Variants in HUNK observed in about 807,000 individuals in gnomAD.
HUNK encodes the protein hormonally up-regulated neu tumor-associated kinase.
A neutral mutation model predicts 61.0 loss-of-function variants in HUNK; 21 were observed. That is an observed-to-expected ratio of 0.34 (90% CI 0.24 to 0.50). HUNK has a LOEUF of 0.50. Among genes scored for constraint, HUNK ranks in the 20% least tolerant of loss-of-function variants. The probability of loss-of-function intolerance (pLI) is 0.98; values close to 1 mark genes in which losing one functional copy is unlikely to be tolerated. For missense variants in HUNK, 772 were observed against 945.7 expected (o/e 0.82, Z 2.41); for synonymous variants, 371 against 386.1 (o/e 0.96, Z 0.46).
chr21:31,984,476 G>A (rs2053119494), intron 8 of HUNK, among the ~76,000 whole-genome samples: 1 of 152,164 alleles, frequency 6.6e-6, no homozygotes, highest in Non-Finnish European at 1.5e-5. Flanking sequence ...AGTGAGATGA[G>A]GAACGCAAAA....
At chr21:31,898,349 T>C (rs1444330676) in intron 1 of HUNK, among the ~76,000 whole-genome samples, 1 of 152,160 alleles carries the variant, frequency 6.6e-6, no homozygotes, top group African/African-American at 2.4e-5. Flanking sequence ...CACTGCAACC[T>C]CCGCCTCCCA....
intron 10 of HUNK, among the ~76,000 whole-genome samples, chr21:31,996,518 T>C (rs368291586): frequency 3.5e-4 from 54 of 152,202 alleles, no homozygotes; most frequent in African/African-American, 1.2e-3. Context: ...CACAGATAAC[T>C]GACAAATATG....
intron 2 of HUNK, among the ~76,000 whole-genome samples, chr21:31,928,082 G>GT (rs778743229): frequency 2.6e-5 from 4 of 152,192 alleles, no homozygotes; most frequent in Admixed American, 6.5e-5. Flanking sequence ...AATGATAGTC[G>GT]TAAGTGTGCC....
chr21:31,877,726 C>T (rs149187484), intron 1 of HUNK, among the ~76,000 whole-genome samples: 12 of 152,192 alleles, frequency 7.9e-5, no homozygotes, highest in African/African-American at 2.2e-4. Context: ...GGCTTTGAGA[C>T]GAAGAGCAAA....
chr21:31,942,882 T>C (rs1444415292), intron 3 of HUNK, among the ~76,000 whole-genome samples: 1 of 151,066 alleles, frequency 6.6e-6, no homozygotes, highest in Non-Finnish European at 1.5e-5. Context: ...AGAGAGACCT[T>C]AGACCACACC....
intron 5 of HUNK, among the ~76,000 whole-genome samples, chr21:31,965,469 A>T: frequency 6.6e-6 from 1 of 152,086 alleles, no homozygotes; most frequent in East Asian, 1.9e-4. Context: ...GTTAAAAAAA[A>T]ATTTTTTTTA....
intron 2 of HUNK, among the ~76,000 whole-genome samples, chr21:31,936,992 C>T (rs2052736992): frequency 6.6e-6 from 1 of 152,202 alleles, no homozygotes; most frequent in African/African-American, 2.4e-5. Context: ...TTGAAACAAA[C>T]TGTGGCCTTC....
At chr21:31,947,114 T>C (rs1568931726) in intron 4 of HUNK, among the ~76,000 whole-genome samples, 2 of 148,014 alleles carry the variant, frequency 1.4e-5, no homozygotes, top group East Asian at 4.1e-4. Context: ...CAGTGGCGCC[T>C]ATGCATTCCC....
intron 5 of HUNK, among the ~76,000 whole-genome samples, chr21:31,959,645 A>C (rs1355578202): frequency 6.6e-6 from 1 of 152,216 alleles, no homozygotes. Context: ...CTTGGCTTTG[A>C]TGAGCATTTA....
intron 4 of HUNK, among the ~76,000 whole-genome samples, chr21:31,947,995 A>G (rs1038199284): frequency 6.6e-5 from 10 of 152,254 alleles, no homozygotes; most frequent in African/African-American, 2.4e-4. Flanking sequence ...TGTGCCAGAC[A>G]CCATGTCACT....
At chr21:31,963,049 C>G (rs117563469) in intron 5 of HUNK, among the ~76,000 whole-genome samples, 1,682 of 152,310 alleles carry the variant, frequency 0.011, 23 homozygotes, top group Non-Finnish European at 0.014. Context: ...CTGACAGCCT[C>G]CCATTTTTTC....
chr21:31,957,163 G>A (rs1332618607), intron 4 of HUNK, among the ~76,000 whole-genome samples: 7 of 152,266 alleles, frequency 4.6e-5, no homozygotes, highest in South Asian at 2.1e-4. Flanking sequence ...ACTCATCACC[G>A]CTTGAAAGGA....
rs12106375 is a variant in HUNK, at chr21:31,875,510, A to G, written c.261+1575A>G. On this transcript the variant is annotated intron_variant, in intron 1 of 10. Coordinates refer to ENST00000270112, the MANE Select transcript of HUNK (RefSeq NM_014586.2). Reference sequence around the variant, plus strand: ...GAGTAAGTCTTCAAAGAAAAAGGAAAAACCTCCAAACCTCGTTCTAGTCCG... The same window carrying G: ...GAGTAAGTCTTCAAAGAAAAAGGAAGAACCTCCAAACCTCGTTCTAGTCCG... Among the ~76,000 whole-genome samples, 436 of 103,458 alleles carry G rather than the reference A, an allele frequency of 4.2e-3. 1 individual carries two copies. The highest frequency in any genetic ancestry group is 0.016 in the African/African-American group (417 of 25,648). 67.9% of individuals were successfully genotyped at this position (103,458 alleles called of 152,430 possible). A position where few individuals can be genotyped will look rare whatever the true frequency, so the allele number is the denominator to read the frequency against.
At chr21:31,997,460 T>C (rs759310510) in intron 10 of HUNK, among the ~76,000 whole-genome samples, 1 of 152,212 alleles carries the variant, frequency 6.6e-6, no homozygotes, top group Non-Finnish European at 1.5e-5. Context: ...TGGAGGACAT[T>C]ATGCTAAGTG....
rs201350356 is a variant in HUNK, at chr21:31,922,024, C to CT, written c.262-2435dup. Among the ~76,000 whole-genome samples the CT allele has an allele frequency of 2.1e-3, 312 of 151,440 alleles. 4 individuals carry two copies. The highest frequency in any genetic ancestry group is 0.017 in the East Asian group (88 of 5,158). ...AAAAAATCTCTCAGCAATTTTCTTTCTTTTTTTTTGAGATGGAGTTTTGTT... is the reference window on the plus strand; with the variant it reads ...AAAAAATCTCTCAGCAATTTTCTTTCTTTTTTTTTTGAGATGGAGTTTTGTT... On this transcript the variant is annotated intron_variant, in intron 1 of 10. Coordinates refer to ENST00000270112, the MANE Select transcript of HUNK (RefSeq NM_014586.2).
chr21:32,000,831 C>A lies in HUNK; in HGVS notation c.*1647C>A. Reference sequence around the variant, plus strand: ...AGAGCGGGACAGAATGGATATTTGGCTGACCTTGGTGAGACCTGGAGCTGC... The same window carrying A: ...AGAGCGGGACAGAATGGATATTTGGATGACCTTGGTGAGACCTGGAGCTGC... On this transcript the variant is annotated 3_prime_UTR_variant, in exon 11 of 11. Coordinates refer to ENST00000270112, the MANE Select transcript of HUNK (RefSeq NM_014586.2). 1 of 398,236 alleles carries A rather than the reference C, an allele frequency of 2.5e-6. No homozygotes were observed. The highest frequency in any genetic ancestry group is 4.4e-5 in the Admixed American group (1 of 22,732). The allele number at this position is 398,236 out of a possible 1,614,324, so 24.7% of individuals were successfully genotyped here.
At chr21:31,884,433 A>G (rs1568915810) in intron 1 of HUNK, among the ~76,000 whole-genome samples, 1 of 152,024 alleles carries the variant, frequency 6.6e-6, no homozygotes, top group Non-Finnish European at 1.5e-5. Context: ...CTCTACTGAA[A>G]ATACAAAAAT....
chr21:31,990,546 T>TTTAG (rs928875812), intron 9 of HUNK, among the ~76,000 whole-genome samples: 1 of 151,546 alleles, frequency 6.6e-6, no homozygotes, highest in African/African-American at 2.4e-5. Flanking sequence ...TATTTATTTA[T>TTTAG]TTATTTATTT....
rs562739488 is a variant in HUNK, at chr21:31,968,263, C to T, written c.888C>T (p.Phe296=). ...PTQLSTGAIS[F]LRSLLEPDPV... ...AATGTCTCCCAGGTGCCATCAGTTT[C>T]CTGCGCTCTCTCCTGGAACCGGATC... The change falls in exon 6 of 11, where the codon TTC becomes TTT. Residue 296 remains phenylalanine (F), a synonymous_variant. Coordinates refer to ENST00000270112, the MANE Select transcript of HUNK (RefSeq NM_014586.2). 1.2e-6 allele frequency: 2 copies of T among 1,614,092 alleles called. No homozygotes were observed. The highest frequency in any genetic ancestry group is 1.7e-5 in the Admixed American group (1 of 60,000).
Sources: gnomAD v4.1 joint callset for allele counts (sites outside exome capture counted in the v4.1 genomes callset) on GRCh38, gnomAD v4.1.1 for gene constraint, MANE v1.5 for transcripts, NCBI Gene and HGNC (gene_info 2026-07-23, HGNC 2026-07-21) for gene names.